The following EYS variants were observed in gnomAD, a reference collection of about 807,000 sequenced individuals.
EYS encodes EGF-like photoreceptor maintenance factor.
A neutral mutation model predicts 282.1 loss-of-function variants in EYS; 250 were observed. The observed-to-expected ratio is 0.89, with a 90% CI of 0.80 to 0.98. EYS has a LOEUF of 0.98. EYS is among the 50% of genes least tolerant of loss of function. The pLI is 0.00. For synonymous variants in EYS, 1,355 were observed against 1,282.9 expected, an observed-to-expected ratio of 1.06 and a Z score of -1.20; for missense variants, 4,016 against 3,709.0, an observed-to-expected ratio of 1.08 and a Z score of -2.15.
chr6:64,808,262 G>A (rs188946796), intron 22 of EYS, among the ~76,000 whole-genome samples: 185 of 152,172 alleles, frequency 1.2e-3, no homozygotes, highest in African/African-American at 4.3e-3. Flanking sequence ...TGTAGACAAT[G>A]TCATATGGTA....
At chr6:65,617,709 C>A (rs1444023901) in intron 2 of EYS, among the ~76,000 whole-genome samples, 1 of 130,854 alleles carries the variant, frequency 7.6e-6, no homozygotes, top group Non-Finnish European at 1.6e-5. Context: ...CCCCTCCCCC[C>A]ACCCCACCAC....
intron 29 of EYS, 28 bp from the exon 30 acceptor site, chr6:64,307,110 A>T: frequency 9.3e-7 from 1 of 1,071,484 alleles, no homozygotes; most frequent in Non-Finnish European, 1.4e-6. Context: ...AGAGAGAAGT[A>T]GAGATAATTT....
At chr6:65,504,627 A>AT (rs1332494289) in intron 2 of EYS, among the ~76,000 whole-genome samples, 1 of 151,268 alleles carries the variant, frequency 6.6e-6, no homozygotes, top group Admixed American at 6.6e-5. Context: ...TTTGTAAAAT[A>AT]TTTTTTCTGT....
chr6:64,858,803 C>T (rs1425820769), intron 19 of EYS, among the ~76,000 whole-genome samples: 2 of 152,016 alleles, frequency 1.3e-5, no homozygotes, highest in South Asian at 2.1e-4. Flanking sequence ...CAAAAGAAAA[C>T]TTTCAAAAGA....
At chr6:64,862,326 C>T (rs1766274566) in intron 19 of EYS, among the ~76,000 whole-genome samples, 1 of 152,178 alleles carries the variant, frequency 6.6e-6, no homozygotes, top group South Asian at 2.1e-4. Flanking sequence ...GAAGGTTTGT[C>T]TTGTCACCTC....
At chr6:64,996,742 A>G (rs1583376174) in intron 14 of EYS, among the ~76,000 whole-genome samples, 1 of 152,170 alleles carries the variant, frequency 6.6e-6, no homozygotes, top group Admixed American at 6.5e-5. Flanking sequence ...TGTTCCTTCT[A>G]TTGTAAAAAC....
chr6:64,765,472 C>G (rs555139916), intron 22 of EYS, among the ~76,000 whole-genome samples: 1 of 152,310 alleles, frequency 6.6e-6, no homozygotes, highest in Admixed American at 6.5e-5. Context: ...TCCACATTTT[C>G]AGGTATCTTT....
chr6:64,065,299 T>C lies in EYS; in HGVS notation c.6725+1039A>G, dbSNP rs114396161. 5.9e-3 allele frequency among the ~76,000 whole-genome samples: 900 copies of C among 152,310 alleles called. 9 individuals are homozygous for C. The highest frequency in any genetic ancestry group is 0.02 in the African/African-American group (822 of 41,576). ...GATTCCTGCTGATCAGACTAACTTA[T>C]CTAATTGTCATTTTAAAGACGAACT... On this transcript the variant is annotated intron_variant, in intron 33 of 42. Transcript: ENST00000503581.
chr6:65,099,008 T>C (rs1774816176), intron 12 of EYS, among the ~76,000 whole-genome samples: 1 of 150,806 alleles, frequency 6.6e-6, no homozygotes, highest in African/African-American at 2.4e-5. Context: ...TGTAAATGTT[T>C]AATCTAAATA....
At chr6:64,435,965 T>C (rs576227419) in intron 28 of EYS, among the ~76,000 whole-genome samples, 1 of 151,936 alleles carries the variant, frequency 6.6e-6, no homozygotes, top group South Asian at 2.1e-4. Flanking sequence ...TCTCCTTATG[T>C]GAGTTCATTG....
At chr6:63,909,508 T>C (rs1029987737) in intron 35 of EYS, among the ~76,000 whole-genome samples, 2 of 152,220 alleles carry the variant, frequency 1.3e-5, no homozygotes, top group African/African-American at 4.8e-5. Flanking sequence ...GGAGTTGGTT[T>C]GTACCAACCT....
chr6:65,038,670 T>C (rs1362120170), intron 13 of EYS, among the ~76,000 whole-genome samples: 1 of 151,544 alleles, frequency 6.6e-6, no homozygotes, highest in African/African-American at 2.4e-5. Context: ...TTTTAAACTT[T>C]CATTTGATTC....
At chr6:64,607,051 A>G (rs1422457961) in intron 24 of EYS, among the ~76,000 whole-genome samples, 1 of 152,010 alleles carries the variant, frequency 6.6e-6, no homozygotes, top group African/African-American at 2.4e-5. Flanking sequence ...TATGAATAAA[A>G]AAAAAGACTC....
chr6:63,754,782 G>T (rs1398398340), intron 41 of EYS, among the ~76,000 whole-genome samples: 2 of 152,092 alleles, frequency 1.3e-5, no homozygotes, highest in Non-Finnish European at 2.9e-5. Flanking sequence ...CTTCTACAAT[G>T]GTTGAACTAA....
At chr6:64,932,478 G>A (rs1366301191) in intron 15 of EYS, among the ~76,000 whole-genome samples, 2 of 151,974 alleles carry the variant, frequency 1.3e-5, no homozygotes, top group Non-Finnish European at 2.9e-5. Context: ...GGCAACTCTA[G>A]GTTGATCAAT....
chr6:64,342,824 A>G (rs1450260149), intron 29 of EYS, among the ~76,000 whole-genome samples: 1 of 152,184 alleles, frequency 6.6e-6, no homozygotes, highest in Non-Finnish European at 1.5e-5. Context: ...TCACGTGCAG[A>G]GACACACATA....
At chr6:65,193,429 C>T (rs9453221) in intron 12 of EYS, among the ~76,000 whole-genome samples, 5,175 of 151,692 alleles carry the variant, frequency 0.034, 280 homozygotes, top group African/African-American at 0.11. Context: ...GGACAGACAT[C>T]GATGCGCCTT....
chr6:64,454,863 A>T (rs906983356), intron 26 of EYS, among the ~76,000 whole-genome samples: 1 of 152,154 alleles, frequency 6.6e-6, no homozygotes, highest in East Asian at 1.9e-4. Context: ...TGTCTCCCTT[A>T]TATGACGACT....
intron 8 of EYS, among the ~76,000 whole-genome samples, chr6:65,357,830 C>A (rs1216557108): frequency 6.6e-6 from 1 of 151,766 alleles, no homozygotes; most frequent in Non-Finnish European, 1.5e-5. Flanking sequence ...GAAATGGCGA[C>A]TAATGTAATG....
Sources: gnomAD v4.1 joint callset for allele counts (sites outside exome capture counted in the v4.1 genomes callset) on GRCh38, gnomAD v4.1.1 for gene constraint, MANE v1.5 for transcripts, NCBI Gene and HGNC (gene_info 2026-07-23, HGNC 2026-07-21) for gene names.